Variants in PLK5 observed in about 807,000 individuals in gnomAD.
PLK5 encodes the protein inactive serine/threonine-protein kinase PLK5.
A neutral mutation model predicts 33.7 loss-of-function variants in PLK5; 28 were observed. That is an observed-to-expected ratio of 0.83 (90% CI 0.62 to 1.14). The LOEUF (loss-of-function observed/expected upper bound fraction) is 1.14, where lower values mean the gene tolerates loss of function less well. PLK5 is among the 50% of genes most tolerant of loss of function. PLK5 has a pLI of 0.00. For missense variants in PLK5, 492 were observed against 461.5 expected, an observed-to-expected ratio of 1.07 and a Z score of -0.61; for synonymous variants, 225 against 202.2, an observed-to-expected ratio of 1.11 and a Z score of -0.96.
chr19:1,529,944 GC>G, intron 11 of PLK5, 120 bp downstream of exon 11: 2 of 1,040,834 alleles, frequency 1.9e-6, no homozygotes, highest in East Asian at 2.6e-5. Context: ...GGTGAGGGAG[GC>G]CCCAGGACAC....
At chr19:1,533,599 A>G (rs898221855) in intron 12 of PLK5, 2 of 511,742 alleles carry the variant, frequency 3.9e-6, no homozygotes, top group African/African-American at 1.9e-5. Flanking sequence ...GGGCATATGG[A>G]TAAGGTGTAA....
intron 13 of PLK5, among the ~76,000 whole-genome samples, chr19:1,534,333 C>G (rs1240352734): frequency 6.6e-6 from 1 of 151,206 alleles, no homozygotes; most frequent in Non-Finnish European, 1.5e-5. Context: ...ACGGTGAAAC[C>G]CCATCTCTAC....
rs2292449 is a variant in PLK5 at position 1,525,308 on chromosome 19, G to A, written c.-540G>A. On this transcript the variant is annotated 5_prime_UTR_variant, in exon 2 of 14. Coordinates refer to ENST00000454744, the MANE Select transcript of PLK5 (RefSeq NM_001243079.2). ...ATCTGCTGACCCCTCCCCACAGGGC[G>A]CCTTCAGCCGCTGCTACAAGCTGAC... 0.31 allele frequency: 47,204 copies of A among 152,608 alleles called. 7,901 individuals carry two copies. Among genetic ancestry groups the A allele is most frequent in the East Asian group, 0.72 (3,697 of 5,164 alleles). The allele number at this position is 152,608 out of a possible 1,614,324, so 9.5% of individuals were successfully genotyped here. A position where few individuals can be genotyped will look rare whatever the true frequency, so the allele number is the denominator to read the frequency against.
intron 12 of PLK5, 22 bp downstream of exon 12, chr19:1,531,905 C>T: frequency 6.9e-7 from 1 of 1,439,260 alleles, no homozygotes; most frequent in Non-Finnish European, 9.1e-7. Context: ...CCTCCTGTGC[C>T]CTGGGGGACC....
In PLK5 at chr19:1,527,970, G is replaced by T; in HGVS notation, c.37G>T (p.Ala13Ser). 2.0e-6 allele frequency: 3 copies of T among 1,535,942 alleles called. No homozygotes were observed. Among genetic ancestry groups the T allele is most frequent in the Non-Finnish European group, 2.6e-6 (3 of 1,146,786 alleles). The change falls in exon 7 of 14, where the codon GCC becomes TCC. Residue 13 changes from alanine to serine, a missense_variant. Coordinates refer to ENST00000454744, the MANE Select transcript of PLK5 (RefSeq NM_001243079.2). ...GCTGACTGGCACCCCACCCTTCATG[G>T]CCTCACCCCTGTCGGAGATGTACCA... The part of the protein sequence containing the change: ...TVLTGTPPFM[A>S]SPLSEMYQNI...
At chr19:1,525,005 GT>G (rs35498244) in intron 1 of PLK5, 32,733 of 152,820 alleles carry the variant, frequency 0.21, 4,229 homozygotes, top group East Asian at 0.53. Flanking sequence ...GTGTCTGGGC[GT>G]TGCGTGTTTG....
In PLK5 at chr19:1,533,610, C is replaced by CCATATCCA. The variant is rs1344550135; in HGVS notation, c.715-321_715-320insCATATCCA. 471 of 530,910 alleles carry CCATATCCA rather than the reference C, an allele frequency of 8.9e-4. 2 individuals carry two copies. Among genetic ancestry groups the CCATATCCA allele is most frequent in the Non-Finnish European group, 1.4e-3 (404 of 298,156 alleles). The allele number at this position is 530,910 out of a possible 1,614,324, so 32.9% of individuals were successfully genotyped here. On this transcript the variant is annotated intron_variant, in intron 12 of 13. Coordinates refer to ENST00000454744, the MANE Select transcript of PLK5 (RefSeq NM_001243079.2). The stretch of plus-strand genomic sequence containing the variant: ...CACTGGGCATATGGATAAGGTGTAA[C>CCATATCCA]TAGGGCAGAGCTGCTCTTTAAAGCC...
chr19:1,535,572 A>T lies in PLK5; in HGVS notation c.*322A>T. The T allele has an allele frequency of 2.9e-6, 1 of 347,348 alleles. No homozygotes were observed. The highest frequency in any genetic ancestry group is 5.2e-6 in the Non-Finnish European group (1 of 191,654). The allele number at this position is 347,348 out of a possible 1,614,324, so 21.5% of individuals were successfully genotyped here. ...TCTCTTAGTGGCAGAGGTGGGTTAC[A>T]TTTTCACTAATGCAGACATTAGCAC... On this transcript the variant is annotated 3_prime_UTR_variant, in exon 14 of 14. Coordinates refer to ENST00000454744, the MANE Select transcript of PLK5 (RefSeq NM_001243079.2).
chr19:1,532,636 C>T (rs1357584240), intron 12 of PLK5, among the ~76,000 whole-genome samples: 1 of 151,758 alleles, frequency 6.6e-6, no homozygotes, highest in African/African-American at 2.4e-5. Flanking sequence ...CATTCTCCTG[C>T]CTCAGCCTCC....
rs1354930909 is a variant in PLK5, at chr19:1,535,383, T to C, written c.*133T>C. 2.0e-6 allele frequency: 2 copies of C among 987,302 alleles called. No homozygotes were observed. The highest frequency in any genetic ancestry group is 2.9e-6 in the Non-Finnish European group (2 of 699,122). 61.2% of individuals were successfully genotyped at this position (987,302 alleles called of 1,614,324 possible). ...GGCACACGGGAGGTGGGTTCTTGCC[T>C]TGTGGCATGACTGTTCAACCCAGAC... On this transcript the variant is annotated 3_prime_UTR_variant, in exon 14 of 14. Coordinates refer to ENST00000454744, the MANE Select transcript of PLK5 (RefSeq NM_001243079.2).
intron 6 of PLK5, among the ~76,000 whole-genome samples, chr19:1,527,652 G>T (rs1256213557): frequency 2.0e-5 from 3 of 152,094 alleles, no homozygotes; most frequent in Admixed American, 6.5e-5. Context: ...TGAGTTCAGG[G>T]TGAGCCAGGT....
Position 1,529,465 on chromosome 19 carries a change from AG to A in PLK5, c.468del (p.Thr157ProfsTer30), listed in dbSNP as rs769769879. The stretch of plus-strand genomic sequence containing the variant: ...AAGGCCCCATCCACCTGGTCGCACA[AG>A]GGACCCTGCAGAGTGACCTGGCCGG... ...LEGPIHLVAQ[G>X]TLQSDLAGPE... On this transcript the variant is annotated frameshift_variant, in exon 10 of 14. Transcript: ENST00000454744. LOFTEE classifies it high-confidence loss of function. 4 of 1,536,004 alleles carry A rather than the reference AG, an allele frequency of 2.6e-6. 1 individual carries two copies. In the South Asian group the frequency reaches 4.8e-5, roughly 18 times the overall value.
At chr19:1,530,412 C>T (rs1474647618) in intron 11 of PLK5, among the ~76,000 whole-genome samples, 2 of 151,936 alleles carry the variant, frequency 1.3e-5, no homozygotes, top group Non-Finnish European at 2.9e-5. Context: ...ATTCTCCTGC[C>T]TTAGCCTCCC....
chr19:1,529,362 G>A (rs1362796194), intron 9 of PLK5, 44 bp from the exon 10 acceptor site: 6 of 1,490,760 alleles, frequency 4.0e-6, no homozygotes, highest in Non-Finnish European at 5.4e-6. Flanking sequence ...CTGTCCCTGG[G>A]GCTGGGGCCG....
chr19:1,526,662 G>A lies in PLK5; in HGVS notation c.-182-42G>A. ...TGTGGGCGGGGGCGTCGGGAGGTGG[G>A]CACGGATCCACCCCCATGCGCAATG... On this transcript the variant is annotated intron_variant, in intron 4 of 13. Transcript: ENST00000454744. The A allele has an allele frequency of 1.3e-5, 5 of 394,590 alleles. No individual in the cohort carries two copies. The Middle Eastern group carries it at 3.2e-3, about 255-fold the overall frequency. 24.4% of individuals were successfully genotyped at this position (394,590 alleles called of 1,614,324 possible).
At chr19:1,526,827 C>T (rs1024693426) in intron 5 of PLK5, 36 bp downstream of exon 5, 29 of 820,646 alleles carry the variant, frequency 3.5e-5, no homozygotes, top group African/African-American at 2.0e-4. Flanking sequence ...GCAGTCCGTC[C>T]GGGTGGGCAC....
In PLK5 at chr19:1,525,613, C is replaced by T. The variant is rs142182284; in HGVS notation, c.-411C>T. ...CCTGCAGGTGGAGCGTGAGATTGCCCTGCATAGCCGCCTGCGACCCCGCAA... is the reference window on the plus strand; with the variant it reads ...CCTGCAGGTGGAGCGTGAGATTGCCTTGCATAGCCGCCTGCGACCCCGCAA... On this transcript the variant is annotated 5_prime_UTR_variant, in exon 3 of 14. Transcript: ENST00000454744. The T allele has an allele frequency of 1.3e-5, 2 of 152,790 alleles. No homozygotes were observed. Among genetic ancestry groups the T allele is most frequent in the Non-Finnish European group, 2.9e-5 (2 of 68,048 alleles). The allele number at this position is 152,790 out of a possible 1,614,324, so 9.5% of individuals were successfully genotyped here.
chr19:1,526,042 G>A (rs946117518), intron 3 of PLK5, among the ~76,000 whole-genome samples: 2 of 152,098 alleles, frequency 1.3e-5, no homozygotes, highest in South Asian at 2.1e-4. Context: ...GTACCCACCA[G>A]CATGCCCCTG....
intron 12 of PLK5, among the ~76,000 whole-genome samples, chr19:1,533,062 G>A (rs1221634330): frequency 3.3e-5 from 5 of 152,038 alleles, no homozygotes; most frequent in Admixed American, 6.6e-5. Context: ...TTGGTCCCAG[G>A]AGGTCAAGGC....
Sources: allele counts gnomAD v4.1 joint callset (sites outside exome capture counted in the v4.1 genomes callset), GRCh38; gene constraint gnomAD v4.1.1; transcripts MANE v1.5; gene names NCBI Gene and HGNC (gene_info 2026-07-23, HGNC 2026-07-21).